The following LRP1B variants were observed in gnomAD, a reference collection of about 807,000 sequenced individuals.
The protein encoded by LRP1B is low-density lipoprotein receptor-related protein 1B.
A neutral mutation model predicts 556.6 loss-of-function variants in LRP1B; 217 were observed. That is an observed-to-expected ratio of 0.39 (90% CI 0.35 to 0.44). LRP1B has a LOEUF of 0.44. Ranked by LOEUF, LRP1B falls within the 20% of genes least tolerant of loss-of-function variation. The pLI, the probability that LRP1B is intolerant of heterozygous loss-of-function variation, is 1.00. For missense variants in LRP1B, 5,053 were observed against 5,620.8 expected, an observed-to-expected ratio of 0.90 and a Z score of 3.23; for synonymous variants, 2,047 against 1,865.8, an observed-to-expected ratio of 1.10 and a Z score of -2.50.
intron 86 of LRP1B, among the ~76,000 whole-genome samples, chr2:140,260,121 A>G (rs535892196): frequency 7.2e-5 from 11 of 152,092 alleles, no homozygotes; most frequent in Admixed American, 2.0e-4. Flanking sequence ...TAACATTGCT[A>G]TCTTGTTTGT....
intron 15 of LRP1B, 52 bp from the exon 16 acceptor site, chr2:140,994,187 C>A (rs556426242): frequency 6.6e-7 from 1 of 1,509,256 alleles, no homozygotes; most frequent in Non-Finnish European, 9.1e-7. Flanking sequence ...ACAGTCAGTC[C>A]ATTAAAATTT....
chr2:140,744,949 C>T (rs112002644), intron 35 of LRP1B, among the ~76,000 whole-genome samples: 6,728 of 152,130 alleles, frequency 0.044, 229 homozygotes, highest in South Asian at 0.096. Context: ...ACCAATGAAA[C>T]TGGCTACTGG....
chr2:140,263,195 A>C (rs1051019604), intron 86 of LRP1B, among the ~76,000 whole-genome samples: 11 of 152,162 alleles, frequency 7.2e-5, no homozygotes, highest in African/African-American at 2.4e-4. Context: ...CTGGGGTTAC[A>C]GGCATGAGCC....
chr2:140,276,743 T>C (rs940019165), intron 84 of LRP1B, among the ~76,000 whole-genome samples: 2 of 152,094 alleles, frequency 1.3e-5, no homozygotes, highest in East Asian at 1.9e-4. Context: ...TGATGTTTCT[T>C]TGCAACATTT....
chr2:140,387,934 C>CTTTTTTTTTTTTTTTTTTTTT, intron 66 of LRP1B, among the ~76,000 whole-genome samples: 1 of 138,398 alleles, frequency 7.2e-6, no homozygotes. Flanking sequence ...CTTGTACTTT[C>CTTTTTTTTTTTTTTTTTTTTT]TTTTTTTTTT....
chr2:141,628,584 TC>T (rs1688786380), intron 2 of LRP1B, among the ~76,000 whole-genome samples: 1 of 152,174 alleles, frequency 6.6e-6, no homozygotes, highest in South Asian at 2.1e-4. Flanking sequence ...CTGTCAGTCT[TC>T]AAGCAAGGTT....
intron 2 of LRP1B, among the ~76,000 whole-genome samples, chr2:141,511,999 T>C (rs544420178): frequency 3.3e-5 from 5 of 152,214 alleles, no homozygotes; most frequent in African/African-American, 1.2e-4. Context: ...ACATTTTAGT[T>C]AACAAATACA....
chr2:141,765,370 A>C (rs984927915), intron 2 of LRP1B, among the ~76,000 whole-genome samples: 1 of 152,210 alleles, frequency 6.6e-6, no homozygotes, highest in Non-Finnish European at 1.5e-5. Flanking sequence ...TTTTTCATTC[A>C]TAAATAGCTA....
intron 1 of LRP1B, among the ~76,000 whole-genome samples, chr2:142,054,033 T>C (rs1015343237): frequency 2.6e-5 from 4 of 152,144 alleles, no homozygotes; most frequent in African/African-American, 9.7e-5. Flanking sequence ...GATCACACTT[T>C]AAGCTAATCG....
chr2:142,038,295 T>C (rs1010642992), intron 1 of LRP1B, among the ~76,000 whole-genome samples: 5 of 151,574 alleles, frequency 3.3e-5, no homozygotes, highest in African/African-American at 1.2e-4. Flanking sequence ...GTCCCCGATG[T>C]AATTGGAGCC....
intron 2 of LRP1B, among the ~76,000 whole-genome samples, chr2:141,579,820 C>A (rs897416824): frequency 6.8e-6 from 1 of 147,890 alleles, no homozygotes; most frequent in African/African-American, 2.5e-5. Context: ...CTGCCTCAGC[C>A]TCCCAAGTAG....
intron 2 of LRP1B, among the ~76,000 whole-genome samples, chr2:141,592,803 G>T (rs997970044): frequency 6.6e-6 from 1 of 152,080 alleles, no homozygotes; most frequent in African/African-American, 2.4e-5. Context: ...AGCAACTGTT[G>T]TTACAAATAG....
chr2:141,854,633 T>C (rs988967447), intron 1 of LRP1B, among the ~76,000 whole-genome samples: 2 of 152,042 alleles, frequency 1.3e-5, no homozygotes. Context: ...CCCTTAATCC[T>C]TGATGTTTTA....
intron 83 of LRP1B, among the ~76,000 whole-genome samples, chr2:140,312,041 T>C (rs1471821763): frequency 1.3e-5 from 2 of 151,828 alleles, no homozygotes; most frequent in Non-Finnish European, 2.9e-5. Flanking sequence ...CTTGAATGAA[T>C]GAGAAGGAAT....
intron 1 of LRP1B, among the ~76,000 whole-genome samples, chr2:142,032,866 C>T (rs1703754246): frequency 6.6e-6 from 1 of 151,930 alleles, no homozygotes; most frequent in African/African-American, 2.4e-5. Flanking sequence ...TTCCCATTCT[C>T]TCAGTTGCTA....
At chr2:140,554,484 C>T (rs1036486816) in intron 43 of LRP1B, among the ~76,000 whole-genome samples, 18 of 151,976 alleles carry the variant, frequency 1.2e-4, no homozygotes, top group African/African-American at 4.3e-4. Flanking sequence ...ACTTTGAATT[C>T]CTTTCAGACA....
At chr2:141,963,068 G>A (rs2105058473) in intron 1 of LRP1B, among the ~76,000 whole-genome samples, 1 of 151,678 alleles carries the variant, frequency 6.6e-6, no homozygotes, top group East Asian at 2.0e-4. Context: ...GAACACAAGA[G>A]GGTTTTTTCT....
chr2:141,733,592 C>T (rs973581965), intron 2 of LRP1B, among the ~76,000 whole-genome samples: 1 of 152,088 alleles, frequency 6.6e-6, no homozygotes, highest in Non-Finnish European at 1.5e-5. Context: ...GTTTAAATTG[C>T]TTAGCTGGGC....
At chr2:141,776,678 G>C (rs1475434222) in intron 2 of LRP1B, among the ~76,000 whole-genome samples, 1 of 152,158 alleles carries the variant, frequency 6.6e-6, no homozygotes, top group Non-Finnish European at 1.5e-5. Context: ...TTCAAAATTT[G>C]ACACTTACTA....
Sources: gnomAD v4.1 joint callset for allele counts (sites outside exome capture counted in the v4.1 genomes callset) on GRCh38, gnomAD v4.1.1 for gene constraint, MANE v1.5 for transcripts, NCBI Gene and HGNC (gene_info 2026-07-23, HGNC 2026-07-21) for gene names.